INPP4B: variants seen among roughly 807,000 people sequenced by gnomAD.
INPP4B encodes the protein inositol polyphosphate 4-phosphatase type II.
INPP4B carries 55 observed loss-of-function variants against 122.5 expected under a neutral mutation model. The observed-to-expected ratio is 0.45, with a 90% CI of 0.36 to 0.56. The LOEUF (loss-of-function observed/expected upper bound fraction) is 0.56, where lower values mean the gene tolerates loss of function less well. Ranked by LOEUF, INPP4B falls within the 20% of genes least tolerant of loss-of-function variation. The pLI is 0.00. For synonymous variants in INPP4B, 403 were observed against 388.7 expected, an observed-to-expected ratio of 1.04 and a Z score of -0.43; for missense variants, 1,000 against 1,097.7, an observed-to-expected ratio of 0.91 and a Z score of 1.26.
chr4:142,738,042 T>C (rs1385082429), intron 1 of INPP4B, among the ~76,000 whole-genome samples: 2 of 152,120 alleles, frequency 1.3e-5, no homozygotes, highest in Non-Finnish European at 2.9e-5. Flanking sequence ...ATTGTGGAAG[T>C]CAGTGTGGCA....
intron 2 of INPP4B, among the ~76,000 whole-genome samples, chr4:142,627,064 T>A (rs992035230): frequency 1.3e-5 from 2 of 152,044 alleles, no homozygotes; most frequent in African/African-American, 2.4e-5. Flanking sequence ...CAAGAGCCCT[T>A]CACTGTGACA....
chr4:142,197,913 C>CAA (rs1295495473), intron 14 of INPP4B, among the ~76,000 whole-genome samples: 1 of 152,034 alleles, frequency 6.6e-6, no homozygotes, highest in Non-Finnish European at 1.5e-5. Flanking sequence ...ATTCACTAAA[C>CAA]AAAAAAACTT....
At chr4:142,665,242 C>T (rs1032098019) in intron 2 of INPP4B, among the ~76,000 whole-genome samples, 2 of 152,070 alleles carry the variant, frequency 1.3e-5, no homozygotes, top group Admixed American at 1.3e-4. Flanking sequence ...CCAATAATCC[C>T]AGCACTTTGG....
At chr4:142,255,806 G>T (rs998404531) in intron 11 of INPP4B, among the ~76,000 whole-genome samples, 9 of 151,626 alleles carry the variant, frequency 5.9e-5, no homozygotes, top group African/African-American at 2.2e-4. Context: ...GAGACAGAAA[G>T]TCAACAAGGA....
At chr4:142,153,241 A>G (rs747490433) in intron 17 of INPP4B, among the ~76,000 whole-genome samples, 2 of 152,222 alleles carry the variant, frequency 1.3e-5, no homozygotes, top group Non-Finnish European at 2.9e-5. Context: ...ATTATCAGTT[A>G]GTGTGTTGTG....
At chr4:142,512,503 C>A (rs1824857831) in intron 2 of INPP4B, among the ~76,000 whole-genome samples, 1 of 152,032 alleles carries the variant, frequency 6.6e-6, no homozygotes, top group Non-Finnish European at 1.5e-5. Context: ...TTTTCTATAT[C>A]CCATCTTCTA....
chr4:142,808,442 A>G (rs17016793), intron 1 of INPP4B, among the ~76,000 whole-genome samples: 14,696 of 152,188 alleles, frequency 0.097, 1,475 homozygotes, highest in African/African-American at 0.26. Flanking sequence ...CTAGTCAGGA[A>G]GAAAACAACA....
chr4:142,440,768 G>A (rs1811534885), intron 3 of INPP4B, among the ~76,000 whole-genome samples: 1 of 152,040 alleles, frequency 6.6e-6, no homozygotes, highest in Admixed American at 6.6e-5. Context: ...TTTAAGATAT[G>A]CACATGACGT....
chr4:142,324,857 A>G (rs1771732356), intron 7 of INPP4B, among the ~76,000 whole-genome samples: 1 of 152,096 alleles, frequency 6.6e-6, no homozygotes, highest in Non-Finnish European at 1.5e-5. Flanking sequence ...CTGAGAAAAA[A>G]ATGGCCACTT....
chr4:142,816,353 ATGTTTTTATAAT>A (rs1780114004), intron 1 of INPP4B, among the ~76,000 whole-genome samples: 1 of 152,164 alleles, frequency 6.6e-6, no homozygotes, highest in African/African-American at 2.4e-5. Context: ...CTTTTAAATT[ATGTTTTTATAAT>A]TTCAATGCCC....
chr4:142,109,586 T>C (rs1205322817), intron 22 of INPP4B, among the ~76,000 whole-genome samples: 1 of 152,160 alleles, frequency 6.6e-6, no homozygotes, highest in Non-Finnish European at 1.5e-5. Context: ...TAACATTCTA[T>C]CCACTCTTGA....
rs1310205480 is a variant in INPP4B, at chr4:142,028,798, C to T, written c.2759G>A (p.Gly920Glu). ...KYYRPPEGTYGKADT is the reference protein window; with the variant it reads ...KYYRPPEGTYEKADT ...TTGGTAAACTTAGGTGTCAGCTTTT[C>T]CATAAGTCCCCTCTGGAGGTCTGTA... The change falls in exon 26 of 26, where the codon GGA becomes GAA. Residue 920 changes from glycine (G) to glutamate (E), a missense_variant. By Grantham distance (98) the Gly-to-Glu change is moderately conservative (BLOSUM62 -2). Transcript: ENST00000262992. The T allele has an allele frequency of 1.2e-6, 2 of 1,610,698 alleles. No homozygotes were observed.
intron 2 of INPP4B, among the ~76,000 whole-genome samples, chr4:142,721,795 T>C (rs1764726468): frequency 6.6e-6 from 1 of 152,132 alleles, no homozygotes; most frequent in South Asian, 2.1e-4. Flanking sequence ...CACTCCGGCC[T>C]GGGTGACAGA....
chr4:142,221,900 A>G (rs905499188), intron 12 of INPP4B, among the ~76,000 whole-genome samples: 1 of 152,214 alleles, frequency 6.6e-6, no homozygotes, highest in Non-Finnish European at 1.5e-5. Context: ...AGATGATTCA[A>G]CTAAGTCAAT....
chr4:142,727,799 G>T (rs1486499381), intron 1 of INPP4B, among the ~76,000 whole-genome samples: 1 of 152,108 alleles, frequency 6.6e-6, no homozygotes, highest in East Asian at 1.9e-4. Flanking sequence ...GATCACTTGA[G>T]ACCAGGAGGC....
intron 2 of INPP4B, among the ~76,000 whole-genome samples, chr4:142,612,224 T>C (rs985686589): frequency 2.0e-4 from 30 of 152,228 alleles, no homozygotes; most frequent in African/African-American, 7.0e-4. Flanking sequence ...CTGCTGCTTC[T>C]GCCTCTGAAG....
At chr4:142,450,822 C>A (rs1373856667) in intron 3 of INPP4B, among the ~76,000 whole-genome samples, 5 of 152,118 alleles carry the variant, frequency 3.3e-5, no homozygotes, top group Non-Finnish European at 7.3e-5. Flanking sequence ...TTCTATATGT[C>A]ACCTGCTTTT....
At chr4:142,227,856 T>TAAAAAAAAAAA (rs60375355) in intron 12 of INPP4B, among the ~76,000 whole-genome samples, 1 of 34,224 alleles carries the variant, frequency 2.9e-5, no homozygotes, top group Non-Finnish European at 5.6e-5. Flanking sequence ...AGACTCTATC[T>TAAAAAAAAAAA]AAAAAAAAAA....
At chr4:142,270,933 TTGTGTGTG>T (rs58469157) in intron 9 of INPP4B, among the ~76,000 whole-genome samples, 159 bp from the exon 10 acceptor site, 1 of 148,538 alleles carries the variant, frequency 6.7e-6, no homozygotes, top group Non-Finnish European at 1.5e-5. Flanking sequence ...GGGTAGGTGT[TTGTGTGTG>T]TGTGTGTGTG....
Sources: gnomAD v4.1 joint callset for allele counts (sites outside exome capture counted in the v4.1 genomes callset) on GRCh38, gnomAD v4.1.1 for gene constraint, MANE v1.5 for transcripts, NCBI Gene and HGNC (gene_info 2026-07-23, HGNC 2026-07-21) for gene names.